The following LDLRAP1 variants were observed in gnomAD, a reference collection of about 807,000 sequenced individuals.
LDLRAP1 encodes the protein low density lipoprotein receptor adapter protein 1.
In LDLRAP1, 30 loss-of-function variants were observed where a neutral mutation model predicts 37.8. The ratio of observed to expected loss-of-function variants is 0.79; its 90% CI spans 0.59 to 1.08. The LOEUF (loss-of-function observed/expected upper bound fraction) is 1.08. LDLRAP1 is among the 50% of genes least tolerant of loss of function. The pLI is 0.00. For missense variants in LDLRAP1, 375 were observed against 401.6 expected (o/e 0.93, Z 0.57); for synonymous variants, 156 against 169.8 (o/e 0.92, Z 0.63).
intron 1 of LDLRAP1, 130 bp from the exon 2 acceptor site, chr1:25,553,792 G>A (rs1393810115): frequency 3.7e-5 from 31 of 829,652 alleles, no homozygotes; most frequent in Non-Finnish European, 5.6e-5. Context: ...AAAAAAAAGA[G>A]TGGCAGTAGT....
intron 1 of LDLRAP1, among the ~76,000 whole-genome samples, chr1:25,551,261 G>A (rs1286046573): frequency 1.3e-5 from 2 of 152,182 alleles, no homozygotes; most frequent in African/African-American, 4.8e-5. Context: ...ATCCTAGCCT[G>A]CAGAGGGGAA....
the LDLRAP1 span, among the ~76,000 whole-genome samples, chr1:25,576,628 T>A: frequency 6.6e-6 from 1 of 152,204 alleles, no homozygotes; most frequent in Non-Finnish European, 1.5e-5. Context: ...CGGCCAGTGG[T>A]GGCTGTTACT....
chr1:25,569,183 G>A (rs537023155), downstream of LDLRAP1, among the ~76,000 whole-genome samples: 2 of 152,256 alleles, frequency 1.3e-5, no homozygotes, highest in Non-Finnish European at 2.9e-5. Flanking sequence ...GCCAGGCTGT[G>A]AGTCCCCTGC....
chr1:25,577,100 G>A, the LDLRAP1 span, among the ~76,000 whole-genome samples: 3 of 152,208 alleles, frequency 2.0e-5, no homozygotes, highest in Admixed American at 6.5e-5. Flanking sequence ...TGCCATCCCC[G>A]CATTCACCTC....
the LDLRAP1 span, among the ~76,000 whole-genome samples, chr1:25,584,744 C>T: frequency 2.0e-5 from 3 of 152,166 alleles, no homozygotes; most frequent in Admixed American, 6.5e-5. Context: ...CTTGCCTTCT[C>T]GGCAAGCCCT....
chr1:25,559,608 C>G (rs1328623760), intron 4 of LDLRAP1, among the ~76,000 whole-genome samples: 1 of 152,224 alleles, frequency 6.6e-6, no homozygotes, highest in African/African-American at 2.4e-5. Context: ...CCTTTGCTAC[C>G]TGGCCTCCCT....
chr1:25,543,912 T>C, intron 1 of LDLRAP1, 126 bp downstream of exon 1: 1 of 528,168 alleles, frequency 1.9e-6, no homozygotes, highest in Non-Finnish European at 2.8e-6. Context: ...GGTCCCGGCG[T>C]GGCCCTTTCC....
At chr1:25,568,996 A>G (rs1357865208), downstream of LDLRAP1, 1 of 152,260 alleles carries the variant, frequency 6.6e-6, no homozygotes, top group Non-Finnish European at 1.5e-5. Context: ...GCCCAGGGGC[A>G]GCACTGAGTG....
chr1:25,577,423 G>C, the LDLRAP1 span, among the ~76,000 whole-genome samples: 1 of 152,156 alleles, frequency 6.6e-6, no homozygotes, highest in Non-Finnish European at 1.5e-5. Flanking sequence ...CCTGTGGGCA[G>C]GTCCTGGGCT....
At chr1:25,559,101 G>A (rs61776822) in intron 4 of LDLRAP1, among the ~76,000 whole-genome samples, 72,174 of 152,050 alleles carry the variant, frequency 0.47, 17,305 homozygotes, top group Middle Eastern at 0.56. Context: ...TGCCTCGTGA[G>A]GTCCCAGGGC....
At chr1:25,552,055 G>A (rs2044084356) in intron 1 of LDLRAP1, among the ~76,000 whole-genome samples, 1 of 152,142 alleles carries the variant, frequency 6.6e-6, no homozygotes, top group East Asian at 1.9e-4. Context: ...GCTTGCTCAA[G>A]GCAAATCCAG....
intron 1 of LDLRAP1, among the ~76,000 whole-genome samples, chr1:25,548,461 C>T (rs540304410): frequency 2.7e-5 from 4 of 150,334 alleles, no homozygotes; most frequent in Non-Finnish European, 4.4e-5. Flanking sequence ...GATTCTCCTG[C>T]CTCAGCCTCC....
chr1:25,557,151 A>T lies in LDLRAP1; in HGVS notation c.345-2A>T, dbSNP rs781769339. 1 of 1,612,144 alleles carries T rather than the reference A, an allele frequency of 6.2e-7. No individual in the cohort carries two copies. Among genetic ancestry groups the T allele is most frequent in the East Asian group, 2.2e-5 (1 of 44,870 alleles). ...TGGTGATGCTTCCTCCTTGCCTTTC[A>T]GGATCTCCTATTGCACAGCAGACAA... is the stretch of plus-strand genomic sequence containing the variant. On this transcript the variant is annotated splice_acceptor_variant, in intron 3 of 8. Coordinates refer to ENST00000374338, the MANE Select transcript of LDLRAP1 (RefSeq NM_015627.3). LOFTEE classifies it high-confidence loss of function.
chr1:25,582,869 C>T, the LDLRAP1 span, among the ~76,000 whole-genome samples: 1 of 151,866 alleles, frequency 6.6e-6, no homozygotes, highest in Non-Finnish European at 1.5e-5. Flanking sequence ...GTTAGAAGTT[C>T]GAGACCAGCC....
At position 25,567,454 on chromosome 1, in the gene LDLRAP1, C is replaced by T; in HGVS notation, c.*462C>T. On this transcript the variant is annotated 3_prime_UTR_variant, in exon 9 of 9. Coordinates refer to ENST00000374338, the MANE Select transcript of LDLRAP1 (RefSeq NM_015627.3). ...TTCAGTGATTTTTCCCCCCACCCCC[C>T]AGCACAGGAGAGCACCCACAGCCGC... is the stretch of plus-strand genomic sequence containing the variant. 1 of 313,204 alleles carries T rather than the reference C, an allele frequency of 3.2e-6. No homozygotes were observed. The highest frequency in any genetic ancestry group is 4.8e-5 in the Admixed American group (1 of 20,958). 19.4% of individuals were successfully genotyped at this position (313,204 alleles called of 1,614,324 possible). A position where few individuals can be genotyped will look rare whatever the true frequency, so the allele number is the denominator to read the frequency against.
chr1:25,588,382 T>C, the LDLRAP1 span, among the ~76,000 whole-genome samples: 1 of 152,232 alleles, frequency 6.6e-6, no homozygotes, highest in Non-Finnish European at 1.5e-5. Context: ...ATGTCTCATG[T>C]AAAACCTGAT....
downstream of LDLRAP1, among the ~76,000 whole-genome samples, chr1:25,569,863 C>G (rs555362422): frequency 6.6e-6 from 1 of 152,170 alleles, no homozygotes; most frequent in Non-Finnish European, 1.5e-5. Flanking sequence ...ACAGCTGAGC[C>G]GCCAACCTGT....
the LDLRAP1 span, among the ~76,000 whole-genome samples, chr1:25,588,577 T>C: frequency 6.6e-6 from 1 of 152,150 alleles, no homozygotes; most frequent in African/African-American, 2.4e-5. Flanking sequence ...CTGCTGACCC[T>C]CTCTCCACTA....
At chr1:25,587,895 G>T in the LDLRAP1 span, among the ~76,000 whole-genome samples, 1 of 152,184 alleles carries the variant, frequency 6.6e-6, no homozygotes, top group Non-Finnish European at 1.5e-5. Context: ...TGTCTATGTA[G>T]AAAGAAGTAG....
Sources: gnomAD v4.1 joint callset for allele counts (sites outside exome capture counted in the v4.1 genomes callset) on GRCh38, gnomAD v4.1.1 for gene constraint, MANE v1.5 for transcripts, NCBI Gene and HGNC (gene_info 2026-07-23, HGNC 2026-07-21) for gene names.